The following LCLAT1 variants were observed in gnomAD, a reference collection of about 807,000 sequenced individuals.
LCLAT1 encodes the protein 1-AGP acyltransferase 8.
Under a neutral mutation model 30.7 loss-of-function variants are expected in LCLAT1, and 11 were observed. That is an observed-to-expected ratio of 0.36 (90% CI 0.23 to 0.59). LCLAT1 has a LOEUF of 0.59. Among genes scored for constraint, LCLAT1 ranks in the 20% least tolerant of loss-of-function variants. The pLI, the probability that LCLAT1 is intolerant of heterozygous loss-of-function variation, is 0.77. For missense variants in LCLAT1, 402 were observed against 458.6 expected (o/e 0.88, Z 1.13); for synonymous variants, 155 against 151.3 (o/e 1.02, Z -0.18).
At chr2:30,580,898 A>G (rs1416809873) in intron 5 of LCLAT1, among the ~76,000 whole-genome samples, 2 of 152,154 alleles carry the variant, frequency 1.3e-5, no homozygotes, top group African/African-American at 4.8e-5. Context: ...TTCTAAGATA[A>G]AATAAGACCT....
Position 30,642,613 on chromosome 2 carries a change from CA to C in LCLAT1, c.*1997del, listed in dbSNP as rs1669378399. Reference sequence around the variant, plus strand: ...TAATGGAGCCGGTCTGCCCTTCCTACAAACTCAAGAGGCTCATTGTTCAAGG... The same window carrying C: ...TAATGGAGCCGGTCTGCCCTTCCTACAACTCAAGAGGCTCATTGTTCAAGG... On this transcript the variant is annotated 3_prime_UTR_variant, in exon 6 of 6. Coordinates refer to ENST00000379509, the MANE Select transcript of LCLAT1 (RefSeq NM_001002257.3). 1 of 152,072 alleles carries C rather than the reference CA, an allele frequency of 6.6e-6. No homozygotes were observed. Among genetic ancestry groups the C allele is most frequent in the Non-Finnish European group, 1.5e-5 (1 of 68,008 alleles). 9.4% of individuals were successfully genotyped at this position (152,072 alleles called of 1,614,324 possible).
intron 3 of LCLAT1, among the ~76,000 whole-genome samples, chr2:30,539,772 A>G (rs1227440211): frequency 6.6e-6 from 1 of 152,186 alleles, no homozygotes; most frequent in African/African-American, 2.4e-5. Flanking sequence ...ATAATTTGTT[A>G]TTATGTGCTG....
intron 1 of LCLAT1, among the ~76,000 whole-genome samples, chr2:30,465,879 T>A (rs1183376613): frequency 6.6e-6 from 1 of 152,208 alleles, no homozygotes; most frequent in Non-Finnish European, 1.5e-5. Context: ...ACAGAAAGAA[T>A]TTCAAGTCCA....
chr2:30,622,865 A>G (rs1202173156), intron 5 of LCLAT1, among the ~76,000 whole-genome samples: 1 of 152,096 alleles, frequency 6.6e-6, no homozygotes, highest in Non-Finnish European at 1.5e-5. Context: ...AGGAGCCAGA[A>G]AAACTATTCT....
chr2:30,639,033 T>C (rs1196424132), intron 5 of LCLAT1, among the ~76,000 whole-genome samples: 1 of 152,198 alleles, frequency 6.6e-6, no homozygotes, highest in African/African-American at 2.4e-5. Flanking sequence ...AAATGAAACA[T>C]ATGGGTTCCT....
intron 3 of LCLAT1, among the ~76,000 whole-genome samples, chr2:30,560,414 C>G (rs1460694288): frequency 6.6e-6 from 1 of 151,998 alleles, no homozygotes; most frequent in East Asian, 1.9e-4. Context: ...TCTCAGCTCA[C>G]TGCACCCTCT....
At chr2:30,563,795 C>T (rs1424344745) in intron 4 of LCLAT1, among the ~76,000 whole-genome samples, 1 of 152,158 alleles carries the variant, frequency 6.6e-6, no homozygotes, top group East Asian at 1.9e-4. Context: ...ACATTACATA[C>T]ATATTTAAGC....
At position 30,640,433 on chromosome 2, in the gene LCLAT1, G is replaced by A; in HGVS notation, c.945G>A (p.Trp315Ter). The A allele has an allele frequency of 1.9e-6, 3 of 1,614,142 alleles. No individual in the cohort carries two copies. Among genetic ancestry groups the A allele is most frequent in the African/African-American group, 1.3e-5 (1 of 75,010 alleles). ...LVVKLLSILY[W>*]TLFSPAMCLL... ...TCAAATTGCTCTCTATACTGTATTG[G>A]ACCCTGTTCAGCCCTGCAATGTGCC... is the stretch of plus-strand genomic sequence containing the variant. The change falls in exon 6 of 6, where the codon TGG becomes TGA. Residue 315 changes from tryptophan (W) to a stop codon, truncating the protein, a stop_gained. Transcript: ENST00000379509. LOFTEE classifies it high-confidence loss of function.
At chr2:30,468,867 C>G (rs1682617010) in intron 1 of LCLAT1, among the ~76,000 whole-genome samples, 2 of 152,190 alleles carry the variant, frequency 1.3e-5, no homozygotes, top group Admixed American at 1.3e-4. Context: ...TACATTCCCA[C>G]CAGCAATATA....
At chr2:30,495,165 A>T (rs1684045956) in intron 1 of LCLAT1, among the ~76,000 whole-genome samples, 1 of 152,080 alleles carries the variant, frequency 6.6e-6, no homozygotes, top group Non-Finnish European at 1.5e-5. Context: ...TTTCCTACGA[A>T]TTTAATTATT....
intron 1 of LCLAT1, among the ~76,000 whole-genome samples, chr2:30,518,826 C>A (rs1040466037): frequency 6.6e-6 from 1 of 152,210 alleles, no homozygotes; most frequent in Non-Finnish European, 1.5e-5. Flanking sequence ...TCTCAACTCA[C>A]CTGGACTGTT....
intron 1 of LCLAT1, chr2:30,459,830 G>T (rs981511533): frequency 1.3e-6 from 1 of 741,740 alleles, no homozygotes; most frequent in Non-Finnish European, 2.3e-6. Flanking sequence ...ATGTTGTATT[G>T]TTGACATGTT....
intron 5 of LCLAT1, among the ~76,000 whole-genome samples, chr2:30,633,641 C>T (rs1297488896): frequency 2.6e-5 from 4 of 152,172 alleles, no homozygotes; most frequent in South Asian, 4.2e-4. Flanking sequence ...GCCGAGGTCA[C>T]GCCACTGCAC....
At chr2:30,503,159 T>C (rs992019639) in intron 1 of LCLAT1, among the ~76,000 whole-genome samples, 6 of 152,150 alleles carry the variant, frequency 3.9e-5, no homozygotes, top group African/African-American at 1.4e-4. Flanking sequence ...TTATAAACTG[T>C]CGTGGCGCTG....
intron 5 of LCLAT1, among the ~76,000 whole-genome samples, chr2:30,634,876 C>T (rs1428984400): frequency 6.6e-6 from 1 of 152,192 alleles, no homozygotes; most frequent in African/African-American, 2.4e-5. Context: ...GAACCAAGCC[C>T]CAAGGCCATG....
chr2:30,462,068 G>A lies in LCLAT1; in HGVS notation c.-5+14685G>A, dbSNP rs150704344. Among the ~76,000 whole-genome samples the A allele has an allele frequency of 7.1e-3, 1,083 of 152,154 alleles. 12 individuals are homozygous for A. The highest frequency in any genetic ancestry group is 0.024 in the African/African-American group (1,014 of 41,510). On this transcript the variant is annotated intron_variant, in intron 1 of 5. Coordinates refer to ENST00000379509, the MANE Select transcript of LCLAT1 (RefSeq NM_001002257.3). The stretch of plus-strand genomic sequence containing the variant: ...ATTACAGGCGTGAGCCACCGCGCCC[G>A]GCCTAAATTAAACTTTTATCACATC...
chr2:30,457,576 C>G (rs1267745406), intron 1 of LCLAT1, among the ~76,000 whole-genome samples: 1 of 152,180 alleles, frequency 6.6e-6, no homozygotes, highest in East Asian at 1.9e-4. Flanking sequence ...AGTTTTTTAT[C>G]TGTTAAGCAA....
intron 1 of LCLAT1, among the ~76,000 whole-genome samples, chr2:30,468,860 A>G (rs1413830734): frequency 6.6e-6 from 1 of 152,208 alleles, no homozygotes; most frequent in East Asian, 1.9e-4. Context: ...GCTATTTTAC[A>G]TTCCCACCAG....
At chr2:30,524,719 A>C (rs752069814) in intron 1 of LCLAT1, among the ~76,000 whole-genome samples, 1 of 151,548 alleles carries the variant, frequency 6.6e-6, no homozygotes, top group Non-Finnish European at 1.5e-5. Context: ...GAGGTATAGC[A>C]GTGCTTGTGT....
Sources: allele counts gnomAD v4.1 joint callset (sites outside exome capture counted in the v4.1 genomes callset), GRCh38; gene constraint gnomAD v4.1.1; transcripts MANE v1.5; gene names NCBI Gene and HGNC (gene_info 2026-07-23, HGNC 2026-07-21).